CDH23: variants seen among roughly 807,000 people sequenced by gnomAD.
CDH23 encodes the protein cadherin-23.
CDH23 carries 189 observed loss-of-function variants against 317.1 expected under a neutral mutation model. That is an observed-to-expected ratio of 0.60 (90% CI 0.53 to 0.67). The LOEUF is 0.67. Among genes scored for constraint, CDH23 ranks in the 30% least tolerant of loss-of-function variants. The pLI is 0.00. For missense variants in CDH23, 4,401 were observed against 4,592.4 expected (o/e 0.96, Z 1.20); for synonymous variants, 1,839 against 1,876.8 (o/e 0.98, Z 0.52).
intron 3 of CDH23, 53 bp downstream of exon 3, chr10:71,446,448 T>C: frequency 2.6e-6 from 4 of 1,516,722 alleles, no homozygotes; most frequent in Non-Finnish European, 3.7e-6. Flanking sequence ...GTGCAATCCC[T>C]TCCCACAAGT....
At chr10:71,798,310 A>C (rs766924203) in intron 49 of CDH23, 44 bp from the exon 50 acceptor site, 3 of 1,472,918 alleles carry the variant, frequency 2.0e-6, no homozygotes, top group African/African-American at 1.4e-5. Flanking sequence ...GCCCAGCCAC[A>C]CTAGTGTCCT....
chr10:71,661,569 G>T (rs1863652001), intron 14 of CDH23, among the ~76,000 whole-genome samples: 1 of 152,116 alleles, frequency 6.6e-6, no homozygotes, highest in Admixed American at 6.5e-5. Flanking sequence ...GAGATAGGCG[G>T]CTCTTCTCTC....
intron 20 of CDH23, among the ~76,000 whole-genome samples, chr10:71,691,619 G>T (rs12247768): frequency 6.6e-6 from 1 of 152,088 alleles, no homozygotes; most frequent in Non-Finnish European, 1.5e-5. Flanking sequence ...CCCCTTCCAT[G>T]TTGTGGCTCC....
intron 17 of CDH23, 39 bp from the exon 18 acceptor site, chr10:71,682,406 C>G (rs368191645): frequency 1.2e-6 from 2 of 1,605,648 alleles, no homozygotes; most frequent in Non-Finnish European, 8.5e-7. Context: ...CATCTCAAGT[C>G]TGCTTACAGA....
rs746750027 is a variant in CDH23, at chr10:71,707,026, C to G, written c.3083C>G (p.Ala1028Gly). The G allele has an allele frequency of 6.2e-7, 1 of 1,606,482 alleles. No individual in the cohort carries two copies. Among genetic ancestry groups the G allele is most frequent in the East Asian group, 2.2e-5 (1 of 44,576 alleles). The change falls in exon 26 of 70, where the codon GCA becomes GGA. Residue 1028 changes from alanine (A) to glycine (G), a missense_variant. Physicochemically the swap from Ala to Gly is moderately conservative, Grantham distance 60 (BLOSUM62 0). This residue lies in a region of CDH23 where 3,068 missense variants were observed against 3,203.3 expected (regional missense o/e 0.96). Coordinates refer to ENST00000224721, the MANE Select transcript of CDH23 (RefSeq NM_022124.6). ...ACGGACAACGACGTGGGCCTCAATG[C>G]AGAGCTCAGCTACTTCATCACAGGT... ...NCTDNDVGLN[A>G]ELSYFITGGN...
chr10:71,804,246 C>T (rs545798967), intron 55 of CDH23, among the ~76,000 whole-genome samples: 2 of 152,242 alleles, frequency 1.3e-5, no homozygotes, highest in African/African-American at 4.8e-5. Flanking sequence ...CCTGCTGATA[C>T]AGTGTGGAGA....
intron 14 of CDH23, among the ~76,000 whole-genome samples, chr10:71,664,876 CCTT>C (rs1863822480): frequency 4.6e-5 from 7 of 150,844 alleles, no homozygotes; most frequent in Admixed American, 4.6e-4. Context: ...TCCTTTCTCT[CCTT>C]CTCCCTCTCC....
At chr10:71,638,274 C>T (rs1015202345) in intron 11 of CDH23, among the ~76,000 whole-genome samples, 28 of 152,136 alleles carry the variant, frequency 1.8e-4, no homozygotes, top group African/African-American at 6.3e-4. Context: ...CATTGCGTCA[C>T]GCCCCTGGGT....
At chr10:71,760,222 T>C (rs1564780230) in intron 38 of CDH23, among the ~76,000 whole-genome samples, 2 of 45,778 alleles carry the variant, frequency 4.4e-5, no homozygotes, top group African/African-American at 1.6e-4. Flanking sequence ...TATATATGTG[T>C]ATATATATGT....
In CDH23 at chr10:71,435,145, C is replaced by A. The variant is rs556645935; in HGVS notation, c.-5-4682C>A. Among the ~76,000 whole-genome samples the A allele has an allele frequency of 2.5e-3, 374 of 152,308 alleles. 1 individual carries two copies. Among genetic ancestry groups the A allele is most frequent in the African/African-American group, 8.3e-3 (344 of 41,562 alleles). On this transcript the variant is annotated intron_variant, in intron 1 of 69. Coordinates refer to ENST00000224721, the MANE Select transcript of CDH23 (RefSeq NM_022124.6). ...ATGGCCATCAGAATGGAGTTCAAATCCAGACTTGACACTTATTAGCTGTGT... is the reference window on the plus strand; with the variant it reads ...ATGGCCATCAGAATGGAGTTCAAATACAGACTTGACACTTATTAGCTGTGT...
At chr10:71,537,335 T>G (rs892226877) in intron 6 of CDH23, among the ~76,000 whole-genome samples, 1 of 152,346 alleles carries the variant, frequency 6.6e-6, no homozygotes, top group Non-Finnish European at 1.5e-5. Flanking sequence ...GCCCGGGACA[T>G]GATCCGTCAG....
chr10:71,648,611 G>T (rs961934305), intron 14 of CDH23, among the ~76,000 whole-genome samples: 3 of 152,232 alleles, frequency 2.0e-5, no homozygotes, highest in Non-Finnish European at 4.4e-5. Flanking sequence ...GGCATCCCTT[G>T]GTCGGTGGTG....
intron 6 of CDH23, among the ~76,000 whole-genome samples, chr10:71,517,584 A>G (rs1854406339): frequency 6.6e-6 from 1 of 152,128 alleles, no homozygotes. Context: ...GGGGGCTCCC[A>G]CTGGCTTGTG....
chr10:71,538,477 G>A (rs1042206313), intron 6 of CDH23, among the ~76,000 whole-genome samples: 1 of 152,150 alleles, frequency 6.6e-6, no homozygotes, highest in African/African-American at 2.4e-5. Flanking sequence ...TCTAGGGCCC[G>A]TGATTGCTGG....
intron 6 of CDH23, among the ~76,000 whole-genome samples, chr10:71,535,635 G>T (rs1165897589): frequency 1.3e-5 from 2 of 152,246 alleles, no homozygotes; most frequent in Non-Finnish European, 2.9e-5. Context: ...CCTGTGTTCT[G>T]CCTGGTAGCC....
intron 9 of CDH23, among the ~76,000 whole-genome samples, chr10:71,610,020 A>G (rs1781753990): frequency 6.6e-6 from 1 of 151,824 alleles, no homozygotes; most frequent in Non-Finnish European, 1.5e-5. Context: ...GACGAGAGAG[A>G]GAGAGACGGA....
intron 1 of CDH23, among the ~76,000 whole-genome samples, chr10:71,403,446 TTCCTTCCTTTCCTTCCTTCC>T (rs1248054913): frequency 0.014 from 951 of 66,656 alleles, 142 homozygotes; most frequent in African/African-American, 0.082. Flanking sequence ...CCTTCCTTCC[TTCCTTCCTTTCCTTCCTTCC>T]TTCCTTCCTT....
At chr10:71,482,400 C>T (rs939826194) in intron 3 of CDH23, among the ~76,000 whole-genome samples, 4 of 152,208 alleles carry the variant, frequency 2.6e-5, no homozygotes, top group Non-Finnish European at 5.9e-5. Context: ...GACCCCTGCC[C>T]CAACAAAGAT....
chr10:71,515,139 G>A (rs1048509068), intron 6 of CDH23, among the ~76,000 whole-genome samples: 2 of 152,308 alleles, frequency 1.3e-5, no homozygotes, highest in African/African-American at 2.4e-5. Flanking sequence ...ATGGCTCACT[G>A]GGTCAGGGAA....
Sources: allele counts gnomAD v4.1 joint callset (sites outside exome capture counted in the v4.1 genomes callset), GRCh38; gene constraint gnomAD v4.1.1; regional missense constraint gnomAD v4.1.1; transcripts MANE v1.5; gene names NCBI Gene and HGNC (gene_info 2026-07-23, HGNC 2026-07-21).